The following RPTOR variants were observed in gnomAD, a reference collection of about 807,000 sequenced individuals.
RPTOR encodes regulatory associated protein of MTOR complex 1.
A neutral mutation model predicts 169.9 loss-of-function variants in RPTOR; 21 were observed. The observed-to-expected ratio is 0.12, with a 90% CI of 0.09 to 0.18. The LOEUF is 0.18. Ranked by LOEUF, RPTOR falls within the 10% of genes least tolerant of loss-of-function variation. RPTOR has a pLI of 1.00. For missense variants in RPTOR, 1,133 were observed against 1,855.9 expected, an observed-to-expected ratio of 0.61 and a Z score of 7.16; for synonymous variants, 732 against 753.2, an observed-to-expected ratio of 0.97 and a Z score of 0.46.
At chr17:80,559,709 C>T (rs1162615425) in intron 1 of RPTOR, among the ~76,000 whole-genome samples, 3 of 152,186 alleles carry the variant, frequency 2.0e-5, no homozygotes, top group Non-Finnish European at 4.4e-5. Flanking sequence ...ATGTTCAGCC[C>T]TTCCCACTTT....
At chr17:80,954,709 T>C (rs931624669) in intron 28 of RPTOR, among the ~76,000 whole-genome samples, 14 of 152,208 alleles carry the variant, frequency 9.2e-5, no homozygotes, top group African/African-American at 3.4e-4. Flanking sequence ...CTGAGGTCAA[T>C]AGTTCAAGAC....
intron 7 of RPTOR, among the ~76,000 whole-genome samples, chr17:80,797,016 A>T (rs1042701532): frequency 6.6e-6 from 1 of 152,262 alleles, no homozygotes; most frequent in Non-Finnish European, 1.5e-5. Flanking sequence ...GCATAGACAC[A>T]GTGACTTCTC....
At chr17:80,718,508 T>C (rs1002917580) in intron 4 of RPTOR, among the ~76,000 whole-genome samples, 23 of 152,096 alleles carry the variant, frequency 1.5e-4, no homozygotes, top group Non-Finnish European at 2.8e-4. Flanking sequence ...GGGAAAATAT[T>C]GGCCCCTTCA....
At chr17:80,962,796 A>G in intron 32 of RPTOR, 132 bp from the exon 33 acceptor site, 3 of 1,459,644 alleles carry the variant, frequency 2.1e-6, no homozygotes, top group Non-Finnish European at 2.8e-6. Flanking sequence ...GAGTGACCAG[A>G]GGGTCACACC....
At chr17:80,567,272 A>T (rs1400861107) in intron 1 of RPTOR, among the ~76,000 whole-genome samples, 1 of 150,416 alleles carries the variant, frequency 6.6e-6, no homozygotes, top group Non-Finnish European at 1.5e-5. Context: ...TGCCCAACCT[A>T]TACCTTTTTG....
chr17:80,905,977 C>T (rs2068537424), intron 20 of RPTOR, among the ~76,000 whole-genome samples: 1 of 152,200 alleles, frequency 6.6e-6, no homozygotes, highest in African/African-American at 2.4e-5. Flanking sequence ...TGGGGAGCTG[C>T]TTCAATGCCT....
chr17:80,883,927 C>T lies in RPTOR; in HGVS notation c.1797C>T (p.Ser599=), dbSNP rs61733885. The T allele has an allele frequency of 1.7e-3, 2,780 of 1,613,374 alleles. 13 individuals carry two copies. The highest frequency in any genetic ancestry group is 0.014 in the Middle Eastern group (86 of 6,060). ...DSARWCGVRD[S]AHEKLYSLLS... Reference sequence around the variant, plus strand: ...CGAGGTGGTGCGGCGTGAGGGACAGCGCTCATGAGAAGCTCTACAGCCTCC... The same window carrying T: ...CGAGGTGGTGCGGCGTGAGGGACAGTGCTCATGAGAAGCTCTACAGCCTCC... The change falls in exon 16 of 34, where the codon AGC becomes AGT. Residue 599 remains serine (S), a synonymous_variant. Transcript: ENST00000306801.
At chr17:80,576,923 C>T (rs937659501) in intron 1 of RPTOR, among the ~76,000 whole-genome samples, 2 of 151,984 alleles carry the variant, frequency 1.3e-5, no homozygotes, top group African/African-American at 2.4e-5. Flanking sequence ...AGGCTTGTCT[C>T]GAACTCATGG....
chr17:80,649,999 T>C (rs1157302345), intron 3 of RPTOR, among the ~76,000 whole-genome samples: 1 of 152,244 alleles, frequency 6.6e-6, no homozygotes, highest in Non-Finnish European at 1.5e-5. Context: ...TTTAGACCAA[T>C]TGCACCAGAG....
intron 9 of RPTOR, among the ~76,000 whole-genome samples, chr17:80,830,334 T>G (rs1014056536): frequency 2.0e-5 from 3 of 152,162 alleles, no homozygotes; most frequent in Non-Finnish European, 4.4e-5. Context: ...GTTCTCTCAT[T>G]TCCTCTCCTC....
Position 80,959,910 on chromosome 17 carries a change from G to A in RPTOR, c.3478-168G>A, listed in dbSNP as rs2069312612. Among the ~76,000 whole-genome samples, 1 of 152,126 alleles carries A rather than the reference G, an allele frequency of 6.6e-6. No homozygotes were observed. The highest frequency in any genetic ancestry group is 6.5e-5 in the Admixed American group (1 of 15,272). On this transcript the variant is annotated intron_variant, in intron 29 of 33. Transcript: ENST00000306801. This position sits in a 1 kb window ranked among gnomAD's most constrained non-coding sequence, Gnocchi z 6.7. ...CCCTGCCTCTCCCTGGGACTCCTGGGCTCCCCAGGCCTTTGATGCTTCCCT... is the reference window on the plus strand; with the variant it reads ...CCCTGCCTCTCCCTGGGACTCCTGGACTCCCCAGGCCTTTGATGCTTCCCT...
rs1021742701 is a variant in RPTOR at position 80,906,132 on chromosome 17, G to T, written c.2402-2679G>T. 5.9e-5 allele frequency among the ~76,000 whole-genome samples: 9 copies of T among 152,190 alleles called. 1 individual carries two copies. Among genetic ancestry groups the T allele is most frequent in the Admixed American group, 5.2e-4 (8 of 15,296 alleles). On this transcript the variant is annotated intron_variant, in intron 20 of 33. Transcript: ENST00000306801. ...AGCTAGGCGGTAGCGAACTTCGCCA[G>T]TGAGGCCGCATCTCCTCCTCACCAG... is the stretch of plus-strand genomic sequence containing the variant.
intron 3 of RPTOR, among the ~76,000 whole-genome samples, chr17:80,647,414 T>C (rs956008708): frequency 1.3e-5 from 2 of 152,150 alleles, no homozygotes; most frequent in Non-Finnish European, 2.9e-5. Context: ...AATTTATCTT[T>C]TTAGAGAATT....
At chr17:80,761,026 A>G (rs1226709635) in intron 6 of RPTOR, among the ~76,000 whole-genome samples, 1 of 152,044 alleles carries the variant, frequency 6.6e-6, no homozygotes, top group Admixed American at 6.6e-5. Flanking sequence ...TCATTTTTGG[A>G]AACTGATTTC....
intron 2 of RPTOR, among the ~76,000 whole-genome samples, chr17:80,634,228 G>GCA (rs1567830281): frequency 2.9e-4 from 38 of 129,384 alleles, no homozygotes; most frequent in African/African-American, 1.0e-3. Flanking sequence ...GTGCGTGTGT[G>GCA]TACTGTGTGT....
At chr17:80,944,292 G>A (rs1169138798) in intron 25 of RPTOR, among the ~76,000 whole-genome samples, 3 of 152,152 alleles carry the variant, frequency 2.0e-5, no homozygotes, top group Non-Finnish European at 4.4e-5. Flanking sequence ...GGATCCTGGC[G>A]ACCACACCCA....
intron 23 of RPTOR, among the ~76,000 whole-genome samples, chr17:80,924,765 C>T (rs775934491): frequency 1.3e-5 from 2 of 152,216 alleles, no homozygotes; most frequent in Non-Finnish European, 2.9e-5. Flanking sequence ...GGCCACATGG[C>T]GTGGCACAGG....
At chr17:80,692,230 G>A (rs2065998483) in intron 3 of RPTOR, among the ~76,000 whole-genome samples, 1 of 151,986 alleles carries the variant, frequency 6.6e-6, no homozygotes, top group Admixed American at 6.6e-5. Flanking sequence ...TCCCACCTCA[G>A]CCTCTCAAGT....
intron 1 of RPTOR, among the ~76,000 whole-genome samples, chr17:80,561,263 G>GTGTA (rs1297941814): frequency 4.6e-4 from 9 of 19,596 alleles, no homozygotes; most frequent in African/African-American, 8.2e-4. Context: ...ATATATATAT[G>GTGTA]TATATATATA....
Sources: gnomAD v4.1 joint callset for allele counts (sites outside exome capture counted in the v4.1 genomes callset) on GRCh38, gnomAD v4.1.1 for gene constraint, Gnocchi (gnomAD v3.1) non-coding constraint, MANE v1.5 for transcripts, NCBI Gene and HGNC (gene_info 2026-07-23, HGNC 2026-07-21) for gene names.